Variants in ERCC3 observed in about 807,000 individuals in gnomAD.
ERCC3 encodes general transcription and DNA repair factor IIH helicase/translocase subunit XPB.
Under a neutral mutation model 94.2 loss-of-function variants are expected in ERCC3, and 66 were observed. The observed-to-expected ratio is 0.70, with a 90% CI of 0.57 to 0.86. ERCC3 has a LOEUF of 0.86. ERCC3 is among the 40% of genes least tolerant of loss of function. The pLI is 0.00. For synonymous variants in ERCC3, 349 were observed against 369.1 expected, an observed-to-expected ratio of 0.95 and a Z score of 0.63; for missense variants, 829 against 987.1, an observed-to-expected ratio of 0.84 and a Z score of 2.15.
intron 12 of ERCC3, among the ~76,000 whole-genome samples, chr2:127,268,801 G>T (rs961982505): frequency 6.6e-6 from 1 of 152,162 alleles, no homozygotes; most frequent in Non-Finnish European, 1.5e-5. Flanking sequence ...AGCAACCTTA[G>T]CATATGATTT....
intron 10 of ERCC3, among the ~76,000 whole-genome samples, chr2:127,278,897 C>T (rs963548962): frequency 6.6e-6 from 1 of 152,106 alleles, no homozygotes; most frequent in Admixed American, 6.5e-5. Flanking sequence ...GAGCCCAGAT[C>T]TTCCATGGGG....
rs1359756987 is a variant in ERCC3, at chr2:127,279,361, C to A, written c.1542G>T (p.Met514Ile). Residue 514 changes from methionine to isoleucine, a missense_variant, in exon 10 of 15, where the codon ATG becomes ATT. Met to Ile is a conservative substitution (Grantham distance 10). Transcript: ENST00000285398. This position sits in a 1 kb window ranked among gnomAD's most constrained non-coding sequence, Gnocchi z 4.7. ...CATATTCCCGGTAAAATTCAGGAGACATAGGGCACCAGACCTGTAATACAG... is the reference window on the plus strand; with the variant it reads ...CATATTCCCGGTAAAATTCAGGAGAAATAGGGCACCAGACCTGTAATACAG... Reference protein sequence around the residue: ...KVQCAEVWCPMSPEFYREYVA... With the variant: ...KVQCAEVWCPISPEFYREYVA... 2 of 1,613,364 alleles carry A rather than the reference C, an allele frequency of 1.2e-6. No individual in the cohort carries two copies. Among genetic ancestry groups the A allele is most frequent in the Non-Finnish European group, 1.7e-6 (2 of 1,179,422 alleles).
At position 127,257,733 on chromosome 2, in the gene ERCC3, G is replaced by A. The variant is rs200733704; in HGVS notation, c.2218-6C>T. On this transcript the variant is annotated splice_polypyrimidine_tract_variant and splice_region_variant and intron_variant, in intron 14 of 14. Coordinates refer to ENST00000285398, the MANE Select transcript of ERCC3 (RefSeq NM_000122.2). The surrounding 1 kb of genome is among the most constrained non-coding windows in gnomAD (Gnocchi z 5.4). ...GTGCCAAAGCGCCGAGATGCCTGCC[G>A]GGAAGGGGGAACCAGCCCATGTTAG... 2.5e-4 allele frequency: 405 copies of A among 1,614,112 alleles called. 4 individuals are homozygous for A. The South Asian group carries it at 2.7e-3, about 11-fold the overall frequency.
In ERCC3 at chr2:127,286,728, G is replaced by C. The variant is rs772991846; in HGVS notation, c.1317C>G (p.Ile439Met). The change falls in exon 8 of 15, where the codon ATC becomes ATG. Residue 439 changes from isoleucine to methionine, a missense_variant. Ile to Met is a conservative substitution (Grantham distance 10, BLOSUM62 1). Transcript: ENST00000285398. ...WLKTQEWGLM[I>M]LDEVHTIPAK... ...CTGGTATGGTGTGCACTTCATCCAG[G>C]ATCATGAGGCCCCACTCCTGGGTCT... 4.0e-5 allele frequency: 65 copies of C among 1,613,928 alleles called. No homozygotes were observed. In the South Asian group the frequency reaches 6.5e-4, roughly 16 times the overall value.
chr2:127,268,809 T>C (rs1052988281), intron 12 of ERCC3, among the ~76,000 whole-genome samples: 1 of 152,226 alleles, frequency 6.6e-6, no homozygotes, highest in Non-Finnish European at 1.5e-5. Context: ...TAGCATATGA[T>C]TTTTATTCCC....
chr2:127,263,700 C>T (rs578190008), intron 12 of ERCC3, among the ~76,000 whole-genome samples: 50 of 144,408 alleles, frequency 3.5e-4, no homozygotes, highest in Non-Finnish European at 6.4e-4. Flanking sequence ...TGTCTTGTTC[C>T]AGTTCTTTTT....
Position 127,259,241 on chromosome 2 carries a change from A to T in ERCC3, c.2217+55T>A, listed in dbSNP as rs531435547. On this transcript the variant is annotated intron_variant, in intron 14 of 14. Transcript: ENST00000285398. The surrounding 1 kb of genome is among the most constrained non-coding windows in gnomAD (Gnocchi z 4.9). ...ACTACATGTCTGTGTCTGTGTCTACAAACGCTGCCCTGTGAGAGCACTGAC... is the reference window on the plus strand; with the variant it reads ...ACTACATGTCTGTGTCTGTGTCTACTAACGCTGCCCTGTGAGAGCACTGAC... 2.1e-5 allele frequency: 33 copies of T among 1,607,122 alleles called. No homozygotes were observed. The Admixed American group carries it at 5.5e-4, about 27-fold the overall frequency.
At chr2:127,268,115 G>C (rs1046841745) in intron 12 of ERCC3, among the ~76,000 whole-genome samples, 1 of 151,720 alleles carries the variant, frequency 6.6e-6, no homozygotes, top group Non-Finnish European at 1.5e-5. Context: ...CACCACGCCC[G>C]GCTAATTTTT....
chr2:127,288,582 T>A, intron 7 of ERCC3, 78 bp downstream of exon 7: 1 of 1,218,278 alleles, frequency 8.2e-7, no homozygotes, highest in Non-Finnish European at 1.2e-6. Flanking sequence ...TAGGGAAATG[T>A]GCAGAGAGAA....
rs1481839111 is a variant in ERCC3, at chr2:127,288,651, A to T, written c.1027+9T>A. On this transcript the variant is annotated intron_variant, in intron 7 of 14. Transcript: ENST00000285398. Reference sequence around the variant, plus strand: ...GCCTGACCACCTTCTTAACTCTGGTACCACTTACCGCAGGGAAGAACAATG... The same window carrying T: ...GCCTGACCACCTTCTTAACTCTGGTTCCACTTACCGCAGGGAAGAACAATG... 1 of 1,612,504 alleles carries T rather than the reference A, an allele frequency of 6.2e-7. No homozygotes were observed.
rs759338358 is a variant in ERCC3 at position 127,271,357 on chromosome 2, G to T, written c.1924C>A (p.Arg642=). ...TTACCTTTTTTAGCTCGAAGCACCC[G>T]CCCTAGCCTTTGGGCTTCCTGACGC... ...SRRQEAQRLG[R]VLRAKKGMVA... Residue 642 remains arginine (R), a synonymous_variant, in exon 12 of 15, where the codon CGG becomes AGG. Coordinates refer to ENST00000285398, the MANE Select transcript of ERCC3 (RefSeq NM_000122.2). The surrounding 1 kb of genome is among the most constrained non-coding windows in gnomAD (Gnocchi z 5.0). The T allele has an allele frequency of 1.2e-6, 2 of 1,613,538 alleles. No homozygotes were observed. The highest frequency in any genetic ancestry group is 3.3e-5 in the Admixed American group (2 of 60,008).
intron 7 of ERCC3, 96 bp from the exon 8 acceptor site, chr2:127,287,113 T>C (rs1052124654): frequency 4.2e-6 from 4 of 956,326 alleles, no homozygotes; most frequent in Non-Finnish European, 6.5e-6. Flanking sequence ...TCTAGGAAAA[T>C]GTCTTGTAAC....
At chr2:127,263,182 C>T (rs1351461343) in intron 12 of ERCC3, among the ~76,000 whole-genome samples, 1 of 151,998 alleles carries the variant, frequency 6.6e-6, no homozygotes, top group Non-Finnish European at 1.5e-5. Flanking sequence ...AGTTTTTTTT[C>T]TAATTCTGTG....
chr2:127,267,807 ATTCT>A (rs1684422748), intron 12 of ERCC3, among the ~76,000 whole-genome samples: 1 of 152,144 alleles, frequency 6.6e-6, no homozygotes. Context: ...GTGATAACAA[ATTCT>A]TTTAGCAGTT....
intron 12 of ERCC3, among the ~76,000 whole-genome samples, chr2:127,263,246 G>A (rs1684250385): frequency 6.6e-6 from 1 of 152,088 alleles, no homozygotes; most frequent in Non-Finnish European, 1.5e-5. Flanking sequence ...GATTGTTTTG[G>A]GCAGTTTGGC....
In ERCC3 at chr2:127,271,307, C is replaced by T. The variant is rs772845083; in HGVS notation, c.1945+29G>A. On this transcript the variant is annotated intron_variant, in intron 12 of 14. Transcript: ENST00000285398. This position sits in a 1 kb window ranked among gnomAD's most constrained non-coding sequence, Gnocchi z 5.0. ...AAAGTGGTTTAAGAGGAGTGACCTC[C>T]TGCAACAGAAGATGAAAGGCCACTT... is the stretch of plus-strand genomic sequence containing the variant. 2.7e-5 allele frequency: 40 copies of T among 1,487,964 alleles called. No homozygotes were observed. The highest frequency in any genetic ancestry group is 3.8e-5 in the Non-Finnish European group (40 of 1,064,974). 92.2% of individuals were successfully genotyped at this position (1,487,964 alleles called of 1,614,324 possible).
intron 12 of ERCC3, among the ~76,000 whole-genome samples, chr2:127,267,254 C>T (rs191347464): frequency 3.9e-5 from 6 of 152,232 alleles, no homozygotes; most frequent in East Asian, 1.9e-4. Flanking sequence ...TCTAAAAGTA[C>T]TTGGTTTATG....
intron 12 of ERCC3, among the ~76,000 whole-genome samples, chr2:127,263,666 T>C (rs72845942): frequency 0.046 from 6,934 of 151,960 alleles, 182 homozygotes; most frequent in Middle Eastern, 0.072. Context: ...CTATGTGGAA[T>C]AGGTGTGGTG....
intron 8 of ERCC3, among the ~76,000 whole-genome samples, chr2:127,285,746 G>A (rs1685044199): frequency 1.3e-5 from 2 of 151,936 alleles, no homozygotes; most frequent in Admixed American, 1.3e-4. Flanking sequence ...AGCTACTTGG[G>A]AGGCTGAGGC....
Sources: allele counts gnomAD v4.1 joint callset (sites outside exome capture counted in the v4.1 genomes callset), GRCh38; gene constraint gnomAD v4.1.1; non-coding constraint Gnocchi (gnomAD v3.1); transcripts MANE v1.5; gene names NCBI Gene and HGNC (gene_info 2026-07-23, HGNC 2026-07-21).